The following CCDC152 variants were observed in gnomAD, a reference collection of about 807,000 sequenced individuals.
The protein encoded by CCDC152 is coiled-coil domain-containing protein 152.
CCDC152 carries 37 observed loss-of-function variants against 38.1 expected under a neutral mutation model. The ratio of observed to expected loss-of-function variants is 0.97; its 90% CI spans 0.75 to 1.28. The LOEUF is 1.28. Ranked by LOEUF, CCDC152 falls within the 50% of genes most tolerant of loss-of-function variation. The pLI is 0.00. For synonymous variants in CCDC152, 83 were observed against 87.1 expected, an observed-to-expected ratio of 0.95 and a Z score of 0.26; for missense variants, 259 against 292.1, an observed-to-expected ratio of 0.89 and a Z score of 0.83.
At chr5:42,766,418 A>T (rs1192468162) in intron 3 of CCDC152, among the ~76,000 whole-genome samples, 2 of 152,218 alleles carry the variant, frequency 1.3e-5, no homozygotes, top group Non-Finnish European at 2.9e-5. Flanking sequence ...TGCTGGGTAT[A>T]TACACAGAAG....
Position 42,799,815 on chromosome 5 carries a change from T to C in CCDC152, c.*34T>C. 6.5e-7 allele frequency: 1 copy of C among 1,544,692 alleles called. No homozygotes were observed. The highest frequency in any genetic ancestry group is 1.2e-5 in the South Asian group (1 of 82,288). ...GTAAATTCATTAGTTGGTATTTATT[T>C]AAAAGCAATCGAAAGTTTCACTTCT... On this transcript the variant is annotated 3_prime_UTR_variant, in exon 9 of 9. Coordinates refer to ENST00000361970, the MANE Select transcript of CCDC152 (RefSeq NM_001134848.2).
intron 4 of CCDC152, among the ~76,000 whole-genome samples, chr5:42,771,187 A>G (rs986421177): frequency 1.3e-5 from 2 of 152,232 alleles, no homozygotes; most frequent in Non-Finnish European, 2.9e-5. Context: ...ATTGAGTCAA[A>G]GAATAAACCA....
intron 1 of CCDC152, among the ~76,000 whole-genome samples, chr5:42,757,118 C>T (rs778647267): frequency 4.1e-4 from 61 of 150,316 alleles, no homozygotes; most frequent in Admixed American, 6.0e-4. Context: ...TTCTTATCTC[C>T]TTACAGTGCT....
chr5:42,758,988 C>T (rs1579702768), intron 1 of CCDC152, 132 bp from the exon 2 acceptor site: 2 of 552,762 alleles, frequency 3.6e-6, no homozygotes, highest in Non-Finnish European at 3.1e-6. Flanking sequence ...AAAATTCTCG[C>T]AGTGCAATGG....
At chr5:42,794,528 T>C (rs930936032) in intron 6 of CCDC152, among the ~76,000 whole-genome samples, 4 of 152,200 alleles carry the variant, frequency 2.6e-5, no homozygotes, top group Admixed American at 2.0e-4. Flanking sequence ...CAAAAAATAA[T>C]AGCTGCTGAT....
At chr5:42,779,375 A>G in intron 4 of CCDC152, 83 bp from the exon 5 acceptor site, 1 of 825,088 alleles carries the variant, frequency 1.2e-6, no homozygotes, top group South Asian at 1.5e-5. Context: ...TGCATACATA[A>G]TGGAAGCTAA....
chr5:42,781,254 A>G (rs1157626039), intron 5 of CCDC152, among the ~76,000 whole-genome samples: 1 of 152,170 alleles, frequency 6.6e-6, no homozygotes, highest in Non-Finnish European at 1.5e-5. Context: ...AGAAATCTAG[A>G]TATATAGAAA....
At chr5:42,761,834 G>A (rs1417981886) in intron 2 of CCDC152, among the ~76,000 whole-genome samples, 3 of 152,080 alleles carry the variant, frequency 2.0e-5, no homozygotes, top group Non-Finnish European at 2.9e-5. Flanking sequence ...TTCAAGTTAG[G>A]TCATATTTTT....
chr5:42,782,779 T>C (rs1362886348), intron 5 of CCDC152, among the ~76,000 whole-genome samples: 1 of 152,092 alleles, frequency 6.6e-6, no homozygotes, highest in South Asian at 2.1e-4. Context: ...GTTAATTGGC[T>C]TGAGTTTAGG....
chr5:42,797,032 A>T, intron 7 of CCDC152, 76 bp downstream of exon 7: 1 of 1,125,348 alleles, frequency 8.9e-7, no homozygotes, highest in Non-Finnish European at 1.2e-6. Flanking sequence ...TTTTCATCAC[A>T]GTGAGATACA....
chr5:42,789,356 A>T (rs1213877181), intron 6 of CCDC152, among the ~76,000 whole-genome samples: 1 of 152,048 alleles, frequency 6.6e-6, no homozygotes, highest in Non-Finnish European at 1.5e-5. Context: ...AGTAACTTTG[A>T]TCTCTTTGAG....
rs1490458645 is a variant in CCDC152, at chr5:42,759,104, T to A, written c.-2-16T>A. The A allele has an allele frequency of 6.7e-7, 1 of 1,498,348 alleles. No individual in the cohort carries two copies. The highest frequency in any genetic ancestry group is 9.1e-7 in the Non-Finnish European group (1 of 1,101,456). 92.8% of individuals were successfully genotyped at this position (1,498,348 alleles called of 1,614,324 possible). On this transcript the variant is annotated splice_polypyrimidine_tract_variant and intron_variant, in intron 1 of 8. Coordinates refer to ENST00000361970, the MANE Select transcript of CCDC152 (RefSeq NM_001134848.2). ...TATTTATTTATTTAACACTATCTACTGTTTACTACTTTCAGGCATGGACCA... is the reference window on the plus strand; with the variant it reads ...TATTTATTTATTTAACACTATCTACAGTTTACTACTTTCAGGCATGGACCA...
intron 4 of CCDC152, among the ~76,000 whole-genome samples, chr5:42,775,727 G>T (rs1329205982): frequency 6.6e-6 from 1 of 151,980 alleles, no homozygotes; most frequent in Non-Finnish European, 1.5e-5. Context: ...TAGCAACAAT[G>T]TATTATTAAG....
chr5:42,772,520 A>G (rs1759712908), intron 4 of CCDC152, among the ~76,000 whole-genome samples: 1 of 152,092 alleles, frequency 6.6e-6, no homozygotes, highest in Admixed American at 6.5e-5. Context: ...GCGTGGTGGC[A>G]CATGCCTGTA....
chr5:42,782,947 A>G (rs1020042330), intron 5 of CCDC152, among the ~76,000 whole-genome samples: 7 of 151,914 alleles, frequency 4.6e-5, no homozygotes, highest in South Asian at 2.1e-4. Context: ...GCTCACTGCA[A>G]GCTTCAGGGC....
chr5:42,780,628 A>C lies in CCDC152; in HGVS notation c.327+1106A>C, dbSNP rs1287727191. Among the ~76,000 whole-genome samples the C allele has an allele frequency of 2.6e-5, 4 of 152,304 alleles. No homozygotes were observed. In the East Asian group the frequency reaches 7.7e-4, roughly 29 times the overall value. On this transcript the variant is annotated intron_variant, in intron 5 of 8. Transcript: ENST00000361970. ...GAGGGGAAGAAATTAAAGAGAAAAC[A>C]CCACAACCCAAGAGTCTGAATTTCT...
At chr5:42,790,312 A>C (rs144512352) in intron 6 of CCDC152, among the ~76,000 whole-genome samples, 1 of 152,224 alleles carries the variant, frequency 6.6e-6, no homozygotes, top group East Asian at 1.9e-4. Context: ...ATGAAAAGAT[A>C]CTCAACATAA....
intron 4 of CCDC152, among the ~76,000 whole-genome samples, chr5:42,777,986 C>A (rs764859557): frequency 6.6e-6 from 1 of 152,160 alleles, no homozygotes; most frequent in Non-Finnish European, 1.5e-5. Flanking sequence ...TACCACAAAA[C>A]AAACCTTCCT....
At chr5:42,768,293 A>G (rs1394713832) in intron 3 of CCDC152, among the ~76,000 whole-genome samples, 1 of 152,192 alleles carries the variant, frequency 6.6e-6, no homozygotes, top group Non-Finnish European at 1.5e-5. Context: ...GATATTACCT[A>G]TCAACCCAAT....
Sources: allele counts gnomAD v4.1 joint callset (sites outside exome capture counted in the v4.1 genomes callset), GRCh38; gene constraint gnomAD v4.1.1; transcripts MANE v1.5; gene names NCBI Gene and HGNC (gene_info 2026-07-23, HGNC 2026-07-21).